The following PHRF1 variants were observed in gnomAD, a reference collection of about 807,000 sequenced individuals.
The protein encoded by PHRF1 is PHD and ring finger domains 1.
In PHRF1, 53 loss-of-function variants were observed where a neutral mutation model predicts 128.9. That is an observed-to-expected ratio of 0.41 (90% CI 0.33 to 0.52). The LOEUF (loss-of-function observed/expected upper bound fraction) is 0.52, where lower values mean the gene tolerates loss of function less well. Ranked by LOEUF, PHRF1 falls within the 20% of genes least tolerant of loss-of-function variation. PHRF1 has a pLI of 0.21. For missense variants in PHRF1, 2,503 were observed against 2,284.5 expected, an observed-to-expected ratio of 1.10 and a Z score of -1.95; for synonymous variants, 1,178 against 980.6, an observed-to-expected ratio of 1.20 and a Z score of -3.76.
intron 17 of PHRF1, 52 bp downstream of exon 17, chr11:611,134 C>T (rs989090898): frequency 2.5e-6 from 4 of 1,600,876 alleles, no homozygotes; most frequent in East Asian, 2.3e-5. Context: ...GGCGGTACGT[C>T]GCTGCTGTCT....
In PHRF1 at chr11:611,868, C is replaced by G. The variant is rs702965; in HGVS notation, c.*91C>G. The G allele has an allele frequency of 8.9e-7, 1 of 1,123,264 alleles. No individual in the cohort carries two copies. Among genetic ancestry groups the G allele is most frequent in the Non-Finnish European group, 1.3e-6 (1 of 796,996 alleles). 69.6% of individuals were successfully genotyped at this position (1,123,264 alleles called of 1,614,324 possible). On this transcript the variant is annotated 3_prime_UTR_variant, in exon 18 of 18. Coordinates refer to ENST00000264555, the MANE Select transcript of PHRF1 (RefSeq NM_001286581.2). ...GGGAGCTGTCGGGAGTGGCGGGAAT[C>G]GGGGCCATGCCCGGGGAGCTGTCGG... is the stretch of plus-strand genomic sequence containing the variant.
In PHRF1 at chr11:611,963, C is replaced by G; in HGVS notation, c.*186C>G. Reference sequence around the variant, plus strand: ...CCTGCGCTGACACCTGGTCTGTGCACCTGTGTTGCTCACAGTTGAAAACTG... The same window carrying G: ...CCTGCGCTGACACCTGGTCTGTGCAGCTGTGTTGCTCACAGTTGAAAACTG... On this transcript the variant is annotated 3_prime_UTR_variant, in exon 18 of 18. Coordinates refer to ENST00000264555, the MANE Select transcript of PHRF1 (RefSeq NM_001286581.2). The G allele has an allele frequency of 7.9e-6, 7 of 886,192 alleles. No homozygotes were observed. Among genetic ancestry groups the G allele is most frequent in the Non-Finnish European group, 1.7e-6 (1 of 598,064 alleles). 54.9% of individuals were successfully genotyped at this position (886,192 alleles called of 1,614,324 possible).
Position 591,381 on chromosome 11 carries a change from C to T in PHRF1, c.421-3C>T. ...ATTCTGATCCTGTTTTTATTTCTCA[C>T]AGAATGCCAATTCCTGTCCAGTTGA... is the stretch of plus-strand genomic sequence containing the variant. On this transcript the variant is annotated splice_region_variant and splice_polypyrimidine_tract_variant and intron_variant, in intron 4 of 17. Transcript: ENST00000264555. The T allele has an allele frequency of 2.5e-6, 4 of 1,604,158 alleles. No homozygotes were observed. Among genetic ancestry groups the T allele is most frequent in the Non-Finnish European group, 3.4e-6 (4 of 1,175,216 alleles).
At position 607,834 on chromosome 11, in the gene PHRF1, G is replaced by T. The variant is rs772358659; in HGVS notation, c.2378G>T (p.Ser793Ile). Reference sequence around the variant, plus strand: ...ATGGCACATTCCAGCCAGCTCTCCAGCCCTGGCTTCTGTAACACGTTCCGG... The same window carrying T: ...ATGGCACATTCCAGCCAGCTCTCCATCCCTGGCTTCTGTAACACGTTCCGG... ...GNMAHSSQLSSPGFCNTFRPV... is the reference protein window; with the variant it reads ...GNMAHSSQLSIPGFCNTFRPV... The change falls in exon 14 of 18, where the codon AGC (serine) becomes ATC (isoleucine). Residue 793 changes from serine (S) to isoleucine (I), a missense_variant. By Grantham distance (142) the Ser-to-Ile change is moderately radical (BLOSUM62 -2). Coordinates refer to ENST00000264555, the MANE Select transcript of PHRF1 (RefSeq NM_001286581.2). The T allele has an allele frequency of 4.3e-6, 7 of 1,612,690 alleles. No individual in the cohort carries two copies.
chr11:598,731 C>T (rs1424952899), intron 9 of PHRF1, among the ~76,000 whole-genome samples: 1 of 152,266 alleles, frequency 6.6e-6, no homozygotes. Flanking sequence ...TGATGCCGGC[C>T]TTCCCGCATT....
rs1855394992 is a variant in PHRF1, at chr11:597,931, G to A, written c.894+361G>A. 6.6e-6 allele frequency among the ~76,000 whole-genome samples: 1 copy of A among 152,232 alleles called. No homozygotes were observed. Reference sequence around the variant, plus strand: ...CTGGACCTGGTGCTCGGTTTCAGGTGCTCCCTGCAGCCTCCGTCCTGACAG... The same window carrying A: ...CTGGACCTGGTGCTCGGTTTCAGGTACTCCCTGCAGCCTCCGTCCTGACAG... On this transcript the variant is annotated intron_variant, in intron 8 of 17. Coordinates refer to ENST00000264555, the MANE Select transcript of PHRF1 (RefSeq NM_001286581.2). The surrounding 1 kb of genome is among the most constrained non-coding windows in gnomAD (Gnocchi z 6.5).
At chr11:611,591 C>T (rs1371833422) in intron 17 of PHRF1, 43 bp from the exon 18 acceptor site, 3 of 1,611,856 alleles carry the variant, frequency 1.9e-6, no homozygotes, top group Admixed American at 3.3e-5. Flanking sequence ...CCCGGAACAT[C>T]TGGATGTGAA....
At chr11:594,956 C>A (rs1483180609) in intron 6 of PHRF1, among the ~76,000 whole-genome samples, 1 of 152,200 alleles carries the variant, frequency 6.6e-6, no homozygotes, top group Admixed American at 6.5e-5. Context: ...ATCAATATAA[C>A]GATTCTCATA....
chr11:581,951 C>T lies in PHRF1; in HGVS notation c.95-11C>T, dbSNP rs967356893. On this transcript the variant is annotated splice_polypyrimidine_tract_variant and intron_variant, in intron 2 of 17. Transcript: ENST00000264555. The stretch of plus-strand genomic sequence containing the variant: ...GCCGCCCTGCGGCCTGTGTCTCACC[C>T]TGGTGTCTAGAAGAAAGCAGCGTGG... 5.7e-6 allele frequency: 9 copies of T among 1,584,500 alleles called. No individual in the cohort carries two copies. The Admixed American group carries it at 7.4e-5, about 13-fold the overall frequency.
chr11:591,004 A>G (rs1854938269), intron 4 of PHRF1, among the ~76,000 whole-genome samples: 1 of 152,180 alleles, frequency 6.6e-6, no homozygotes, highest in Non-Finnish European at 1.5e-5. Flanking sequence ...CTCCCGGCCT[A>G]TGAAAAGAAA....
In PHRF1 at chr11:608,565, G is replaced by A. The variant is rs754990606; in HGVS notation, c.3109G>A (p.Val1037Met). The A allele has an allele frequency of 9.3e-6, 15 of 1,612,246 alleles. No individual in the cohort carries two copies. In the South Asian group the frequency reaches 1.6e-4, roughly 18 times the overall value. Reference protein sequence around the residue: ...DRSSRSASPSVGEERPRRQRS... With the variant: ...DRSSRSASPSMGEERPRRQRS... ...GAGCTCGAGGTCAGCGTCACCATCA[G>A]TGGGTGAGGAGCGCCCCAGGAGGCA... Residue 1037 changes from valine (V) to methionine (M), a missense_variant, in exon 14 of 18, where the codon GTG becomes ATG. Physicochemically the swap from Val to Met is conservative, Grantham distance 21 (BLOSUM62 1). Transcript: ENST00000264555.
At chr11:592,704 C>T in intron 6 of PHRF1, 30 bp downstream of exon 6, 1 of 1,608,880 alleles carries the variant, frequency 6.2e-7, no homozygotes, top group East Asian at 2.2e-5. Flanking sequence ...GGCACACGTG[C>T]CCTGCTGCGT....
At chr11:579,830 A>G (rs1158758588) in intron 1 of PHRF1, among the ~76,000 whole-genome samples, 2 of 152,226 alleles carry the variant, frequency 1.3e-5, no homozygotes, top group Non-Finnish European at 2.9e-5. Context: ...TCACTGTTTT[A>G]TAAGGCATCA....
intron 3 of PHRF1, among the ~76,000 whole-genome samples, chr11:583,963 C>T (rs891415331): frequency 6.6e-6 from 1 of 152,204 alleles, no homozygotes. Flanking sequence ...AATCCATGGT[C>T]CTCAAGTGGC....
At chr11:606,165 G>A (rs1012743610) in intron 12 of PHRF1, among the ~76,000 whole-genome samples, 2 of 152,276 alleles carry the variant, frequency 1.3e-5, no homozygotes, top group Non-Finnish European at 2.9e-5. Flanking sequence ...CCTGTTGGTG[G>A]AGTTGGGGGT....
At position 610,728 on chromosome 11, in the gene PHRF1, C is replaced by T. The variant is rs765443722; in HGVS notation, c.4644C>T (p.Pro1548=). The T allele has an allele frequency of 6.2e-7, 1 of 1,602,072 alleles. No individual in the cohort carries two copies. Among genetic ancestry groups the T allele is most frequent in the Non-Finnish European group, 8.5e-7 (1 of 1,179,824 alleles). The change falls in exon 16 of 18, where the codon CCC becomes CCT. Residue 1548 remains proline (P), a synonymous_variant. Transcript: ENST00000264555. ...ASNSEEKTPA[P]RLAAEKTKKE... ...ACTCGGAGGAGAAGACCCCGGCCCC[C>T]AGGCTAGCTGCGGAGAAAACCAAGA... is the stretch of plus-strand genomic sequence containing the variant.
chr11:587,293 G>A lies in PHRF1; in HGVS notation c.249G>A (p.Leu83=). 6.2e-7 allele frequency: 1 copy of A among 1,613,642 alleles called. No homozygotes were observed. The highest frequency in any genetic ancestry group is 1.3e-5 in the African/African-American group (1 of 75,058). ...SEDSEDDGET[L]LEVAGTQGKL... is the part of the protein sequence containing the mutation. ...ATTCTGAAGACGACGGGGAGACATT[G>A]CTGGAGGTAGCGGGTACTCAGGGGA... Residue 83 remains leucine (L), a synonymous_variant, in exon 4 of 18, where the codon TTG becomes TTA. Transcript: ENST00000264555.
intron 1 of PHRF1, among the ~76,000 whole-genome samples, chr11:577,192 G>A (rs1275528879): frequency 6.6e-6 from 1 of 152,202 alleles, no homozygotes; most frequent in East Asian, 1.9e-4. Context: ...CTCAGGTGTA[G>A]GTATTGTTCC....
Position 608,680 on chromosome 11 carries a change from G to C in PHRF1, c.3224G>C (p.Arg1075Thr), listed in dbSNP as rs372819330. 75 of 1,612,298 alleles carry C rather than the reference G, an allele frequency of 4.7e-5. No individual in the cohort carries two copies. The highest frequency in any genetic ancestry group is 6.2e-5 in the Non-Finnish European group (73 of 1,179,792). The change falls in exon 14 of 18, where the codon AGG becomes ACG. Residue 1075 changes from arginine (R) to threonine (T), a missense_variant. Transcript: ENST00000264555. ...AKRKKAKDKS[R>T]EHRRGPWGHS... The stretch of plus-strand genomic sequence containing the variant: ...AGGAAGAAAGCCAAGGACAAGAGCA[G>C]GGAGCACAGGCGGGGCCCCTGGGGC...
Sources: allele counts gnomAD v4.1 joint callset (sites outside exome capture counted in the v4.1 genomes callset), GRCh38; gene constraint gnomAD v4.1.1; non-coding constraint Gnocchi (gnomAD v3.1); transcripts MANE v1.5; gene names NCBI Gene and HGNC (gene_info 2026-07-23, HGNC 2026-07-21).